EYA2: variants seen among roughly 807,000 people sequenced by gnomAD.
EYA2 encodes protein phosphatase EYA2.
In EYA2, 31 loss-of-function variants were observed where a neutral mutation model predicts 69.2. The observed-to-expected ratio is 0.45, with a 90% CI of 0.34 to 0.60. EYA2 has a LOEUF of 0.60. EYA2 is among the 20% of genes least tolerant of loss of function. The pLI is 0.02. For synonymous variants in EYA2, 257 were observed against 279.4 expected (o/e 0.92, Z 0.80); for missense variants, 622 against 701.2 (o/e 0.89, Z 1.28).
At chr20:47,120,291 G>A (rs1421639791) in intron 9 of EYA2, among the ~76,000 whole-genome samples, 7 of 152,108 alleles carry the variant, frequency 4.6e-5, no homozygotes, top group African/African-American at 9.7e-5. Flanking sequence ...TGGGAGGATC[G>A]CTTGAGCCCA....
chr20:46,952,550 G>A (rs1978867875), intron 1 of EYA2, among the ~76,000 whole-genome samples: 1 of 152,196 alleles, frequency 6.6e-6, no homozygotes, highest in Admixed American at 6.5e-5. Context: ...TTCCTCTGCT[G>A]AACAGTGAAG....
At chr20:46,982,581 G>A (rs1411368614) in intron 1 of EYA2, among the ~76,000 whole-genome samples, 1 of 151,978 alleles carries the variant, frequency 6.6e-6, no homozygotes, top group Non-Finnish European at 1.5e-5. Context: ...TATTACATGT[G>A]TGCTAGATCT....
At chr20:47,119,118 C>T (rs192398925) in intron 9 of EYA2, among the ~76,000 whole-genome samples, 9 of 152,142 alleles carry the variant, frequency 5.9e-5, no homozygotes, top group South Asian at 2.1e-4. Flanking sequence ...GTTGAGAAGC[C>T]GTCTCCCCTC....
At chr20:47,134,844 C>T (rs893901768) in intron 9 of EYA2, among the ~76,000 whole-genome samples, 21 of 152,074 alleles carry the variant, frequency 1.4e-4, no homozygotes, top group African/African-American at 4.6e-4. Context: ...AAACAGACAA[C>T]GGGCCGGGTG....
At chr20:47,019,166 A>AG (rs887064283) in intron 5 of EYA2, among the ~76,000 whole-genome samples, 3 of 152,218 alleles carry the variant, frequency 2.0e-5, no homozygotes, top group African/African-American at 7.2e-5. Context: ...GGTGATTCTC[A>AG]GGGGTGAGCC....
intron 1 of EYA2, among the ~76,000 whole-genome samples, chr20:46,956,369 C>A (rs1381652585): frequency 1.3e-5 from 2 of 152,164 alleles, no homozygotes; most frequent in African/African-American, 4.8e-5. Flanking sequence ...AACAAATAAA[C>A]CCTATATTCT....
chr20:46,996,510 C>G (rs145317850), intron 2 of EYA2, among the ~76,000 whole-genome samples: 1 of 152,188 alleles, frequency 6.6e-6, no homozygotes, highest in Non-Finnish European at 1.5e-5. Context: ...CAGGTGAATC[C>G]TGGTTCCAGG....
chr20:46,958,659 C>T (rs776512221), intron 1 of EYA2, among the ~76,000 whole-genome samples: 25 of 152,068 alleles, frequency 1.6e-4, no homozygotes, highest in African/African-American at 2.4e-4. Flanking sequence ...ATAAAGTACC[C>T]GTTAGTTATT....
At chr20:47,097,677 A>G (rs1386469756) in intron 9 of EYA2, among the ~76,000 whole-genome samples, 1 of 152,216 alleles carries the variant, frequency 6.6e-6, no homozygotes, top group African/African-American at 2.4e-5. Context: ...GGAACCATCT[A>G]GTTAGAATTC....
Position 47,097,065 on chromosome 20 carries a change from C to T in EYA2, c.805-20C>T. 1 of 1,595,690 alleles carries T rather than the reference C, an allele frequency of 6.3e-7. No individual in the cohort carries two copies. Among genetic ancestry groups the T allele is most frequent in the Admixed American group, 1.7e-5 (1 of 58,740 alleles). On this transcript the variant is annotated intron_variant, in intron 8 of 15. Transcript: ENST00000327619. Reference sequence around the variant, plus strand: ...ACGTGAGTCCATTTTTCTCCATTCTCTTCCTCTCTTTCATCACAGCGTGTG... The same window carrying T: ...ACGTGAGTCCATTTTTCTCCATTCTTTTCCTCTCTTTCATCACAGCGTGTG...
chr20:47,027,986 A>G (rs1029955803), intron 5 of EYA2, among the ~76,000 whole-genome samples: 1 of 152,166 alleles, frequency 6.6e-6, no homozygotes, highest in Non-Finnish European at 1.5e-5. Context: ...TGTTACCTCC[A>G]ATGTGATGGG....
chr20:47,005,991 A>G (rs1045138036), intron 4 of EYA2, among the ~76,000 whole-genome samples: 1 of 152,234 alleles, frequency 6.6e-6, no homozygotes, highest in Non-Finnish European at 1.5e-5. Flanking sequence ...AACCTAGGGC[A>G]CTGGCTTCAG....
At chr20:47,149,078 A>T (rs1409649854) in intron 10 of EYA2, among the ~76,000 whole-genome samples, 3 of 151,614 alleles carry the variant, frequency 2.0e-5, no homozygotes. Flanking sequence ...CTCCATCTCC[A>T]AAAAACAAAA....
chr20:47,057,457 C>T (rs2030682901), intron 5 of EYA2, among the ~76,000 whole-genome samples: 2 of 152,204 alleles, frequency 1.3e-5, no homozygotes, highest in Non-Finnish European at 2.9e-5. Context: ...CGCCTCTCTA[C>T]CCACTTGTGG....
chr20:47,001,372 T>G lies in EYA2; in HGVS notation c.110-56T>G, dbSNP rs1378355878. On this transcript the variant is annotated intron_variant, in intron 2 of 15. Transcript: ENST00000327619. ...AAGTGGTGTCTGAAGTCACCACCTC[T>G]GCAGAACATCACCCTAATCGCTAAA... The G allele has an allele frequency of 2.0e-6, 3 of 1,518,414 alleles. No individual in the cohort carries two copies. In the Admixed American group the frequency reaches 5.0e-5, roughly 25 times the overall value. 94.1% of individuals were successfully genotyped at this position (1,518,414 alleles called of 1,614,324 possible). A position where few individuals can be genotyped will look rare whatever the true frequency, so the allele number is the denominator to read the frequency against.
intron 5 of EYA2, among the ~76,000 whole-genome samples, chr20:47,034,704 G>A (rs1984604050): frequency 1.3e-5 from 2 of 152,216 alleles, no homozygotes; most frequent in South Asian, 2.1e-4. Flanking sequence ...TCATAACAAA[G>A]CACCACAATC....
chr20:47,143,817 A>G (rs1156814842), intron 10 of EYA2, among the ~76,000 whole-genome samples: 1 of 152,244 alleles, frequency 6.6e-6, no homozygotes, highest in Non-Finnish European at 1.5e-5. Context: ...AAGCTATGTC[A>G]TGAATAAGGG....
At chr20:47,125,192 T>C (rs2146566268) in intron 9 of EYA2, among the ~76,000 whole-genome samples, 1 of 151,814 alleles carries the variant, frequency 6.6e-6, no homozygotes, top group East Asian at 1.9e-4. Flanking sequence ...TAGCTGGGAC[T>C]ACAGGCACCT....
intron 5 of EYA2, among the ~76,000 whole-genome samples, chr20:47,029,498 G>A (rs1049250871): frequency 1.3e-5 from 2 of 152,220 alleles, no homozygotes; most frequent in East Asian, 3.8e-4. Flanking sequence ...AACTGTATCT[G>A]CAGGGGAAGC....
Sources: gnomAD v4.1 joint callset for allele counts (sites outside exome capture counted in the v4.1 genomes callset) on GRCh38, gnomAD v4.1.1 for gene constraint, MANE v1.5 for transcripts, NCBI Gene and HGNC (gene_info 2026-07-23, HGNC 2026-07-21) for gene names.